The following RAD21L1 variants were observed in gnomAD, a reference collection of about 807,000 sequenced individuals.
RAD21L1 encodes double-strand-break repair protein rad21-like protein 1.
Under a neutral mutation model 69.0 loss-of-function variants are expected in RAD21L1, and 47 were observed. That is an observed-to-expected ratio of 0.68 (90% CI 0.54 to 0.87). RAD21L1 has a LOEUF of 0.87. Among genes scored for constraint, RAD21L1 ranks in the 40% least tolerant of loss-of-function variants. RAD21L1 has a pLI of 0.00. For missense variants in RAD21L1, 583 were observed against 647.6 expected, an observed-to-expected ratio of 0.90 and a Z score of 1.08; for synonymous variants, 177 against 205.8, an observed-to-expected ratio of 0.86 and a Z score of 1.20.
intron 6 of RAD21L1, among the ~76,000 whole-genome samples, chr20:1,238,989 A>C (rs1172266680): frequency 6.6e-6 from 1 of 151,978 alleles, no homozygotes; most frequent in Non-Finnish European, 1.5e-5. Context: ...ATGTCCAGCT[A>C]ATTTTTTTTC....
intron 13 of RAD21L1, 123 bp downstream of exon 13, chr20:1,248,826 C>T (rs1276422917): frequency 1.9e-6 from 1 of 536,594 alleles, no homozygotes; most frequent in Non-Finnish European, 3.3e-6. Flanking sequence ...CCAAATCCCA[C>T]TAGAGTGCAA....
chr20:1,250,591 T>C (rs2087808900), intron 13 of RAD21L1, among the ~76,000 whole-genome samples: 1 of 152,232 alleles, frequency 6.6e-6, no homozygotes, highest in Non-Finnish European at 1.5e-5. Flanking sequence ...CACATTTTCT[T>C]AATCCAGTCT....
chr20:1,229,914 T>C lies in RAD21L1; in HGVS notation c.179T>C (p.Leu60Pro). 1.3e-6 allele frequency: 2 copies of C among 1,549,552 alleles called. No homozygotes were observed. The highest frequency in any genetic ancestry group is 2.4e-5 in the South Asian group (2 of 83,854). The part of the protein sequence containing the change: ...KIALRTSGHL[L>P]LGVVRIYNRK... ...GCACTTCGAACTTCAGGACACCTTC[T>C]TTTGGGAGTTGTTCGAATCTATAAC... The change falls in exon 3 of 14, where the codon CTT (leucine) becomes CCT (proline). Residue 60 changes from leucine (L) to proline (P), a missense_variant. Leu to Pro is a moderately conservative substitution (Grantham distance 98). Transcript: ENST00000683101.
chr20:1,254,218 T>G, intron 13 of RAD21L1, 51 bp from the exon 14 acceptor site: 1 of 1,297,466 alleles, frequency 7.7e-7, no homozygotes, highest in Non-Finnish European at 1.0e-6. Flanking sequence ...CGGCTTTACT[T>G]CTAATGATCT....
At position 1,239,322 on chromosome 20, in the gene RAD21L1, G is replaced by C; in HGVS notation, c.657G>C (p.Leu219Phe). 2 of 1,536,142 alleles carry C rather than the reference G, an allele frequency of 1.3e-6. No homozygotes were observed. The highest frequency in any genetic ancestry group is 1.8e-6 in the Non-Finnish European group (2 of 1,134,568). The change falls in exon 7 of 14, where the codon TTG becomes TTC. Residue 219 changes from leucine to phenylalanine, a missense_variant. Transcript: ENST00000683101. ...ATTGTGTTTTTCAAGACAATCTATT[G>C]CAAGATGATCAGAATATCCTGTTAG... ...GAAGEMIDNL[L>F]QDDQNILLED...
At position 1,230,016 on chromosome 20, in the gene RAD21L1, A is replaced by C. The variant is rs1460404870; in HGVS notation, c.274+7A>C. ...AAGATGACATTTTGCCCAGGTATAC[A>C]TGTAATATTGATTTGTCTCCTTCTT... On this transcript the variant is annotated splice_region_variant and intron_variant, in intron 3 of 13. Coordinates refer to ENST00000683101, the MANE Select transcript of RAD21L1 (RefSeq NM_001384355.1). 2.0e-6 allele frequency: 3 copies of C among 1,538,060 alleles called. No homozygotes were observed. The highest frequency in any genetic ancestry group is 4.0e-5 in the Admixed American group (2 of 50,400).
At chr20:1,232,751 A>G (rs1465742429) in intron 4 of RAD21L1, among the ~76,000 whole-genome samples, 1 of 152,170 alleles carries the variant, frequency 6.6e-6, no homozygotes, top group African/African-American at 2.4e-5. Flanking sequence ...GTGTTCCCCT[A>G]AAATTCATAT....
rs1398135679 is a variant in RAD21L1, at chr20:1,240,306, G to A, written c.743-15G>A. 1 of 1,523,144 alleles carries A rather than the reference G, an allele frequency of 6.6e-7. No individual in the cohort carries two copies. The highest frequency in any genetic ancestry group is 8.8e-7 in the Non-Finnish European group (1 of 1,137,090). The allele number at this position is 1,523,144 out of a possible 1,614,324, so 94.4% of individuals were successfully genotyped here. On this transcript the variant is annotated splice_polypyrimidine_tract_variant and intron_variant, in intron 7 of 13. Transcript: ENST00000683101. ...TGGTTTTTTTTACAATTACTTTTAT[G>A]TGGATGTTGATTAGTTGAACCAGAT... is the stretch of plus-strand genomic sequence containing the variant.
At chr20:1,244,611 A>G (rs892615003) in intron 11 of RAD21L1, among the ~76,000 whole-genome samples, 2 of 152,196 alleles carry the variant, frequency 1.3e-5, no homozygotes, top group African/African-American at 4.8e-5. Context: ...AATCTGAAAG[A>G]CTATCTAAAG....
In RAD21L1 at chr20:1,254,483, G is replaced by A; in HGVS notation, c.*26G>A. The A allele has an allele frequency of 7.0e-7, 1 of 1,426,804 alleles. No homozygotes were observed. 88.4% of individuals were successfully genotyped at this position (1,426,804 alleles called of 1,614,324 possible). A position where few individuals can be genotyped will look rare whatever the true frequency, so the allele number is the denominator to read the frequency against. ...AGGAAACCCAGACATACAGATTTAT[G>A]GCATCACTGGAATTTCTGTGTAGAT... On this transcript the variant is annotated 3_prime_UTR_variant, in exon 14 of 14. Transcript: ENST00000683101.
At chr20:1,240,572 A>G in intron 8 of RAD21L1, 138 bp downstream of exon 8, 1 of 1,329,914 alleles carries the variant, frequency 7.5e-7, no homozygotes. Context: ...AGAGGAGAAG[A>G]CGGTGAAGAA....
chr20:1,230,296 A>T (rs2087363294), intron 3 of RAD21L1, among the ~76,000 whole-genome samples: 1 of 152,170 alleles, frequency 6.6e-6, no homozygotes, highest in Non-Finnish European at 1.5e-5. Context: ...TCTGTTTTTA[A>T]TGGGTCATTT....
At chr20:1,231,789 C>A (rs1467690048) in intron 4 of RAD21L1, among the ~76,000 whole-genome samples, 170 bp downstream of exon 4, 1 of 152,158 alleles carries the variant, frequency 6.6e-6, no homozygotes, top group Non-Finnish European at 1.5e-5. Flanking sequence ...AAAAGTGTGT[C>A]ATTTTATTTA....
In RAD21L1 at chr20:1,231,618, A is replaced by T; in HGVS notation, c.367A>T (p.Asn123Tyr). ...EFHDFDTQNM[N>Y]AIDVSEHFTQ... Reference sequence around the variant, plus strand: ...TCATGATTTTGACACCCAAAATATGAAGTAAAATATTTTATTTATTTTCCT... The same window carrying T: ...TCATGATTTTGACACCCAAAATATGTAGTAAAATATTTTATTTATTTTCCT... Residue 123 changes from asparagine (N) to tyrosine (Y), a missense_variant and splice_region_variant, in exon 4 of 14, where the codon AAT becomes TAT. Transcript: ENST00000683101. 7.4e-7 allele frequency: 1 copy of T among 1,342,618 alleles called. No individual in the cohort carries two copies. Among genetic ancestry groups the T allele is most frequent in the Non-Finnish European group, 1.0e-6 (1 of 966,050 alleles). 83.2% of individuals were successfully genotyped at this position (1,342,618 alleles called of 1,614,324 possible).
chr20:1,249,093 G>A (rs983324423), intron 13 of RAD21L1, among the ~76,000 whole-genome samples: 1 of 151,962 alleles, frequency 6.6e-6, no homozygotes, highest in African/African-American at 2.4e-5. Context: ...AAGCTCAATA[G>A]CACCATGCAA....
intron 5 of RAD21L1, 51 bp from the exon 6 acceptor site, chr20:1,237,993 C>A: frequency 9.7e-7 from 1 of 1,026,980 alleles, no homozygotes; most frequent in South Asian, 2.3e-5. Flanking sequence ...CCTTCTAACC[C>A]TATAATTCTG....
Position 1,239,281 on chromosome 20 carries a change from G to A in RAD21L1, c.647-31G>A, listed in dbSNP as rs6109102. 1.8e-4 allele frequency: 216 copies of A among 1,199,054 alleles called. No homozygotes were observed. The African/African-American group carries it at 3.1e-3, about 17-fold the overall frequency. The allele number at this position is 1,199,054 out of a possible 1,614,324, so 74.3% of individuals were successfully genotyped here. A position where few individuals can be genotyped will look rare whatever the true frequency, so the allele number is the denominator to read the frequency against. On this transcript the variant is annotated intron_variant, in intron 6 of 13. Coordinates refer to ENST00000683101, the MANE Select transcript of RAD21L1 (RefSeq NM_001384355.1). ...GTGAACAAATGACAGATTCCAGTCT[G>A]TATGAAAAAATATTCATTGTGTTTT...
chr20:1,240,146 T>C (rs959604017), intron 7 of RAD21L1, among the ~76,000 whole-genome samples, 175 bp from the exon 8 acceptor site: 1 of 152,204 alleles, frequency 6.6e-6, no homozygotes, highest in Non-Finnish European at 1.5e-5. Flanking sequence ...TCCCACACCA[T>C]ATAATCTGTA....
At chr20:1,228,732 T>C (rs924277444) in intron 2 of RAD21L1, 135 bp downstream of exon 2, 1 of 651,836 alleles carries the variant, frequency 1.5e-6, no homozygotes, top group Non-Finnish European at 2.5e-6. Context: ...TTAATTCCTA[T>C]AGCATTTAGT....
Sources: gnomAD v4.1 joint callset for allele counts (sites outside exome capture counted in the v4.1 genomes callset) on GRCh38, gnomAD v4.1.1 for gene constraint, MANE v1.5 for transcripts, NCBI Gene and HGNC (gene_info 2026-07-23, HGNC 2026-07-21) for gene names.